The following LRP1B variants were observed in gnomAD, a reference collection of about 807,000 sequenced individuals.
LRP1B encodes low-density lipoprotein receptor-related protein 1B.
In LRP1B, 217 loss-of-function variants were observed where a neutral mutation model predicts 556.6. The observed-to-expected ratio is 0.39, with a 90% CI of 0.35 to 0.44. The LOEUF is 0.44. LRP1B is among the 20% of genes least tolerant of loss of function. The probability of loss-of-function intolerance (pLI) is 1.00; values close to 1 mark genes in which losing one functional copy is unlikely to be tolerated. For synonymous variants in LRP1B, 2,047 were observed against 1,865.8 expected, an observed-to-expected ratio of 1.10 and a Z score of -2.50; for missense variants, 5,053 against 5,620.8, an observed-to-expected ratio of 0.90 and a Z score of 3.23.
At chr2:141,140,732 T>C (rs1574116936) in intron 7 of LRP1B, among the ~76,000 whole-genome samples, 1 of 152,302 alleles carries the variant, frequency 6.6e-6, no homozygotes, top group South Asian at 2.1e-4. Context: ...TTAATTTCTG[T>C]TGTTTAAGCC....
intron 18 of LRP1B, among the ~76,000 whole-genome samples, chr2:140,977,882 G>A (rs977205169): frequency 7.9e-5 from 12 of 152,142 alleles, no homozygotes; most frequent in African/African-American, 2.9e-4. Context: ...TGAGGTATGG[G>A]CAGGTGATTT....
At chr2:141,341,529 T>G (rs1176998337) in intron 3 of LRP1B, among the ~76,000 whole-genome samples, 2 of 152,232 alleles carry the variant, frequency 1.3e-5, no homozygotes, top group East Asian at 3.8e-4. Flanking sequence ...ATTTTCAATT[T>G]AATACACTTC....
chr2:140,748,591 G>GCATA (rs1553521873), intron 35 of LRP1B, among the ~76,000 whole-genome samples: 122 of 73,330 alleles, frequency 1.7e-3, no homozygotes, highest in Middle Eastern at 0.022. Context: ...TATACAGTGT[G>GCATA]TATATATATA....
intron 7 of LRP1B, among the ~76,000 whole-genome samples, chr2:141,119,532 C>T (rs1401297744): frequency 6.6e-6 from 1 of 151,830 alleles, no homozygotes; most frequent in Non-Finnish European, 1.5e-5. Flanking sequence ...AGGATTGAAT[C>T]ACGTATGCCA....
At chr2:140,709,957 C>G (rs13383867) in intron 37 of LRP1B, among the ~76,000 whole-genome samples, 2 of 151,340 alleles carry the variant, frequency 1.3e-5, no homozygotes, top group Non-Finnish European at 3.0e-5. Context: ...ATAAATATTT[C>G]CTAGAAACAA....
chr2:142,090,994 C>T (rs541616314), intron 1 of LRP1B, among the ~76,000 whole-genome samples: 2 of 152,058 alleles, frequency 1.3e-5, no homozygotes, highest in South Asian at 4.2e-4. Flanking sequence ...GTACAGAAGG[C>T]CAAAAATTCC....
At chr2:140,833,135 G>T (rs1276883862) in intron 31 of LRP1B, among the ~76,000 whole-genome samples, 1 of 152,142 alleles carries the variant, frequency 6.6e-6, no homozygotes, top group African/African-American at 2.4e-5. Context: ...GAGCTGTCAG[G>T]ATAAGCTTCA....
intron 65 of LRP1B, among the ~76,000 whole-genome samples, chr2:140,443,488 A>G (rs983757121): frequency 6.6e-6 from 1 of 152,182 alleles, no homozygotes; most frequent in Non-Finnish European, 1.5e-5. Context: ...CTTTATTCTG[A>G]ATGCACCATC....
chr2:140,514,507 T>C lies in LRP1B; in HGVS notation c.8269+146A>G, dbSNP rs914282688. 5 of 587,824 alleles carry C rather than the reference T, an allele frequency of 8.5e-6. No homozygotes were observed. In the Admixed American group the frequency reaches 1.5e-4, roughly 17 times the overall value. The allele number at this position is 587,824 out of a possible 1,614,324, so 36.4% of individuals were successfully genotyped here. On this transcript the variant is annotated intron_variant, in intron 51 of 90. Coordinates refer to ENST00000389484, the MANE Select transcript of LRP1B (RefSeq NM_018557.3). ...AAAATATTAGAATAATGGATTGTCA[T>C]GAAAATAATAAAAACAGCTACCTAG...
intron 3 of LRP1B, among the ~76,000 whole-genome samples, chr2:141,276,419 G>C (rs1296752874): frequency 6.6e-6 from 1 of 151,910 alleles, no homozygotes; most frequent in Non-Finnish European, 1.5e-5. Context: ...GTATCTAACA[G>C]GTAGTTTTTC....
At chr2:141,876,078 G>A in intron 1 of LRP1B, among the ~76,000 whole-genome samples, 1 of 151,866 alleles carries the variant, frequency 6.6e-6, no homozygotes, top group East Asian at 1.9e-4. Flanking sequence ...AATAAAATAA[G>A]TCTTAAAAAA....
chr2:140,683,490 A>C, intron 41 of LRP1B: 1 of 575,802 alleles, frequency 1.7e-6, no homozygotes, highest in Non-Finnish European at 3.4e-6. Context: ...CCAAGGTTTG[A>C]GATCTTGAGA....
At chr2:140,839,891 A>T in intron 31 of LRP1B, 100 bp downstream of exon 31, 1 of 745,562 alleles carries the variant, frequency 1.3e-6, no homozygotes, top group South Asian at 1.6e-5. Context: ...TTATTTTACT[A>T]ATCTTTAATA....
At chr2:140,917,774 T>A (rs1054347768) in intron 21 of LRP1B, among the ~76,000 whole-genome samples, 3 of 152,094 alleles carry the variant, frequency 2.0e-5, no homozygotes, top group Admixed American at 6.6e-5. Context: ...ATACATGTCA[T>A]CATATATTTG....
At chr2:140,399,176 C>CACACACACA (rs1553459869) in intron 66 of LRP1B, among the ~76,000 whole-genome samples, 2 of 151,716 alleles carry the variant, frequency 1.3e-5, no homozygotes, top group African/African-American at 2.4e-5. Context: ...CACACACACA[C>CACACACACA]ACACACACAC....
intron 7 of LRP1B, among the ~76,000 whole-genome samples, chr2:141,128,611 A>G (rs1171231561): frequency 2.0e-5 from 3 of 152,162 alleles, no homozygotes; most frequent in Admixed American, 1.3e-4. Flanking sequence ...CTACCTTAAC[A>G]TAATGAAGTT....
At chr2:140,961,822 A>T (rs1355992258) in intron 18 of LRP1B, among the ~76,000 whole-genome samples, 4 of 152,174 alleles carry the variant, frequency 2.6e-5, no homozygotes, top group Non-Finnish European at 5.9e-5. Flanking sequence ...GTCAAGAGGA[A>T]GTCAAGAGAG....
chr2:140,603,829 T>A (rs947830709), intron 41 of LRP1B, among the ~76,000 whole-genome samples: 13 of 152,070 alleles, frequency 8.5e-5, no homozygotes, highest in African/African-American at 2.9e-4. Context: ...GATGTTTAGA[T>A]CCTTATAAAA....
intron 1 of LRP1B, among the ~76,000 whole-genome samples, chr2:141,986,762 C>T (rs909522219): frequency 1.3e-5 from 2 of 151,956 alleles, no homozygotes; most frequent in Non-Finnish European, 2.9e-5. Flanking sequence ...CTTTCTGCAT[C>T]TAGTTCTACA....
Sources: gnomAD v4.1 joint callset for allele counts (sites outside exome capture counted in the v4.1 genomes callset) on GRCh38, gnomAD v4.1.1 for gene constraint, MANE v1.5 for transcripts, NCBI Gene and HGNC (gene_info 2026-07-23, HGNC 2026-07-21) for gene names.